The following MTMR7 variants were observed in gnomAD, a reference collection of about 807,000 sequenced individuals.
MTMR7 encodes myotubularin related protein 7.
A neutral mutation model predicts 81.2 loss-of-function variants in MTMR7; 76 were observed. That is an observed-to-expected ratio of 0.94 (90% confidence interval 0.78 to 1.13). The LOEUF is 1.13. MTMR7 is among the 50% of genes most tolerant of loss of function. The pLI is 0.00. For synonymous variants in MTMR7, 372 were observed against 289.8 expected (o/e 1.28, Z -2.88); for missense variants, 1,044 against 820.0 (o/e 1.27, Z -3.34).
At chr8:17,314,398 T>C (rs923506663) in intron 7 of MTMR7, among the ~76,000 whole-genome samples, 9 of 152,084 alleles carry the variant, frequency 5.9e-5, no homozygotes, top group Non-Finnish European at 1.2e-4. Flanking sequence ...GTTATTCCAG[T>C]CTCTGAGCCT....
chr8:17,401,650 T>C lies in MTMR7; in HGVS notation c.24+11619A>G, dbSNP rs1452600638. On this transcript the variant is annotated intron_variant, in intron 1 of 13. Coordinates refer to ENST00000180173, the MANE Select transcript of MTMR7 (RefSeq NM_004686.5). ...GGAGGTGCGATAACCTGGATATATT[T>C]TAAAAGTAGAGTGCTGAGGATTTAC... 2.0e-5 allele frequency among the ~76,000 whole-genome samples: 3 copies of C among 152,034 alleles called. No homozygotes were observed. The East Asian group carries it at 5.8e-4, about 29-fold the overall frequency.
intron 6 of MTMR7, among the ~76,000 whole-genome samples, chr8:17,340,604 A>T (rs1819378998): frequency 6.6e-6 from 1 of 152,216 alleles, no homozygotes. Flanking sequence ...CTCCTTAAAA[A>T]CAAAAAAGTT....
chr8:17,397,960 T>C (rs1821312839), intron 1 of MTMR7, among the ~76,000 whole-genome samples: 1 of 152,184 alleles, frequency 6.6e-6, no homozygotes, highest in Non-Finnish European at 1.5e-5. Context: ...GGATCTTATA[T>C]AAAACCATCA....
chr8:17,351,342 CTAAA>C (rs1184559266), intron 4 of MTMR7, among the ~76,000 whole-genome samples: 1 of 152,168 alleles, frequency 6.6e-6, no homozygotes, highest in Non-Finnish European at 1.5e-5. Flanking sequence ...TCTTCTAAGG[CTAAA>C]TAAACACCTA....
At chr8:17,346,713 CAAT>C (rs1309076653) in intron 5 of MTMR7, among the ~76,000 whole-genome samples, 5 of 147,656 alleles carry the variant, frequency 3.4e-5, no homozygotes, top group African/African-American at 1.3e-4. Context: ...CTACAGACAA[CAAT>C]AAAACACCTC....
rs1205108658 is a variant in MTMR7, at chr8:17,307,371, A to C, written c.1152-1414T>G. ...ACACCAGTTAGAATGGCGATCATTA[A>C]AAAGTCAGGAAACAACAGGTGCTGG... is the stretch of plus-strand genomic sequence containing the variant. On this transcript the variant is annotated intron_variant, in intron 10 of 13. Coordinates refer to ENST00000180173, the MANE Select transcript of MTMR7 (RefSeq NM_004686.5). Among the ~76,000 whole-genome samples, 4 of 152,212 alleles carry C rather than the reference A, an allele frequency of 2.6e-5. No homozygotes were observed. In the East Asian group the frequency reaches 5.8e-4, roughly 22 times the overall value.
chr8:17,353,395 A>G (rs1586235843), intron 4 of MTMR7, among the ~76,000 whole-genome samples: 2 of 152,286 alleles, frequency 1.3e-5, no homozygotes, highest in East Asian at 3.9e-4. Flanking sequence ...ACACTCCTAA[A>G]CTATACCTTA....
At chr8:17,304,598 A>G in intron 11 of MTMR7, 79 bp from the exon 12 acceptor site, 1 of 1,460,692 alleles carries the variant, frequency 6.8e-7, no homozygotes, top group East Asian at 2.3e-5. Context: ...AATGCTGGAA[A>G]GGAACTAATA....
chr8:17,300,032 G>A lies in MTMR7; in HGVS notation c.1813C>T (p.Leu605=). 2 of 1,614,128 alleles carry A rather than the reference G, an allele frequency of 1.2e-6. No individual in the cohort carries two copies. Among genetic ancestry groups the A allele is most frequent in the Non-Finnish European group, 1.7e-6 (2 of 1,180,018 alleles). ...GAACTTTTCAGATTGTCTTGGGTTAGAATCAGAGCAGAATCTTCATCGCCT... is the reference window on the plus strand; with the variant it reads ...GAACTTTTCAGATTGTCTTGGGTTAAAATCAGAGCAGAATCTTCATCGCCT... ...SQGDEDSALI[L]TQDNLKSSDP... Residue 605 remains leucine, a synonymous_variant, in exon 14 of 14, where the codon CTA becomes TTA. Transcript: ENST00000180173.
At chr8:17,317,918 T>TC (rs1818180804) in intron 7 of MTMR7, among the ~76,000 whole-genome samples, 2 of 152,176 alleles carry the variant, frequency 1.3e-5, no homozygotes, top group Admixed American at 1.3e-4. Flanking sequence ...TGCCTTTTTT[T>TC]CCACTTCATT....
chr8:17,315,367 A>G (rs11992745), intron 7 of MTMR7, among the ~76,000 whole-genome samples: 5,242 of 152,020 alleles, frequency 0.034, 320 homozygotes, highest in African/African-American at 0.12. Context: ...GGTGGGGCAC[A>G]AGAATGTTTA....
chr8:17,338,951 T>C lies in MTMR7; in HGVS notation c.732+2412A>G, dbSNP rs1453316877. 3 of 152,148 alleles carry C rather than the reference T, an allele frequency of 2.0e-5. No individual in the cohort carries two copies. In the East Asian group the frequency reaches 5.8e-4, roughly 29 times the overall value. 9.4% of individuals were successfully genotyped at this position (152,148 alleles called of 1,614,324 possible). On this transcript the variant is annotated intron_variant, in intron 6 of 13. Transcript: ENST00000180173. ...GTGCTTTGCTCCGAAGAAGACTGGA[T>C]GGTTCTGAGATGAGGGGACGAGTAG... is the stretch of plus-strand genomic sequence containing the variant.
At chr8:17,354,258 G>A (rs1196472791) in intron 4 of MTMR7, among the ~76,000 whole-genome samples, 2 of 152,178 alleles carry the variant, frequency 1.3e-5, no homozygotes, top group African/African-American at 4.8e-5. Flanking sequence ...TGACATATAT[G>A]TGAATAAAAC....
Position 17,300,078 on chromosome 8 carries a change from A to C in MTMR7, c.1767T>G (p.Phe589Leu), listed in dbSNP as rs1817011488. Residue 589 changes from phenylalanine (F) to leucine (L), a missense_variant, in exon 14 of 14, where the codon TTT (phenylalanine) becomes TTG (leucine). Physicochemically the swap from Phe to Leu is conservative, Grantham distance 22. Coordinates refer to ENST00000180173, the MANE Select transcript of MTMR7 (RefSeq NM_004686.5). Reference protein sequence around the residue: ...PQDYSGNMKSFPSRSPSQGDE... With the variant: ...PQDYSGNMKSLPSRSPSQGDE... Reference sequence around the variant, plus strand: ...CGCCTTGTGAAGGGCTCCGGGATGGAAATGATTTCATATTCCCACTGTAAT... The same window carrying C: ...CGCCTTGTGAAGGGCTCCGGGATGGCAATGATTTCATATTCCCACTGTAAT... The C allele has an allele frequency of 6.2e-7, 1 of 1,614,030 alleles. No individual in the cohort carries two copies.
At chr8:17,358,398 T>C (rs1819959897) in intron 4 of MTMR7, among the ~76,000 whole-genome samples, 1 of 152,184 alleles carries the variant, frequency 6.6e-6, no homozygotes, top group South Asian at 2.1e-4. Context: ...CTTTAAAATA[T>C]ATAATGCAAA....
intron 1 of MTMR7, among the ~76,000 whole-genome samples, chr8:17,376,916 C>A (rs28607295): frequency 3.3e-5 from 5 of 151,844 alleles, no homozygotes; most frequent in South Asian, 2.1e-4. Context: ...TAATAGATTT[C>A]CTAATCTTTA....
At chr8:17,335,150 A>T (rs576044257) in intron 6 of MTMR7, among the ~76,000 whole-genome samples, 64 of 152,298 alleles carry the variant, frequency 4.2e-4, no homozygotes, top group Non-Finnish European at 4.4e-5. Context: ...CACAGGAATA[A>T]GGAGCGAGCA....
intron 7 of MTMR7, among the ~76,000 whole-genome samples, chr8:17,327,518 G>C (rs912810467): frequency 6.6e-6 from 1 of 152,100 alleles, no homozygotes; most frequent in Non-Finnish European, 1.5e-5. Context: ...TGTGGCTCAA[G>C]TAATCCTCAA....
At chr8:17,395,946 G>T (rs1162812641) in intron 1 of MTMR7, among the ~76,000 whole-genome samples, 1 of 152,142 alleles carries the variant, frequency 6.6e-6, no homozygotes, top group Non-Finnish European at 1.5e-5. Context: ...ACTGGGAAAT[G>T]TATTTAGAGT....
Sources: allele counts gnomAD v4.1 joint callset (sites outside exome capture counted in the v4.1 genomes callset), GRCh38; gene constraint gnomAD v4.1.1; transcripts MANE v1.5; gene names NCBI Gene and HGNC (gene_info 2026-07-23, HGNC 2026-07-21).